Variants in ADRA1A observed in about 807,000 individuals in gnomAD.
The protein encoded by ADRA1A is adrenoceptor alpha 1A.
ADRA1A carries 31 observed loss-of-function variants against 29.6 expected under a neutral mutation model. The ratio of observed to expected loss-of-function variants is 1.05; its 90% CI spans 0.79 to 1.41. The LOEUF (loss-of-function observed/expected upper bound fraction) is 1.41, where lower values mean the gene tolerates loss of function less well. ADRA1A is among the 40% of genes most tolerant of loss of function. ADRA1A has a pLI of 0.00. For synonymous variants in ADRA1A, 311 were observed against 254.3 expected (o/e 1.22, Z -2.12); for missense variants, 619 against 601.1 (o/e 1.03, Z -0.31).
downstream of ADRA1A, chr8:26,766,145 C>T: frequency 6.2e-7 from 1 of 1,603,134 alleles, no homozygotes; most frequent in Non-Finnish European, 8.5e-7. Context: ...ACAATCCATT[C>T]CCCTCTGTCC....
At chr8:26,751,461 T>A (rs1169662991), downstream of ADRA1A, among the ~76,000 whole-genome samples, 3 of 152,192 alleles carry the variant, frequency 2.0e-5, no homozygotes, top group Non-Finnish European at 4.4e-5. Context: ...GAAAACTAGT[T>A]CATAGAATCA....
At chr8:26,783,905 TATC>T (rs1313779182) in intron 2 of ADRA1A, among the ~76,000 whole-genome samples, 1 of 152,144 alleles carries the variant, frequency 6.6e-6, no homozygotes, top group Non-Finnish European at 1.5e-5. Flanking sequence ...TGGAACCTGT[TATC>T]ATCAGCAAAC....
intron 2 of ADRA1A, among the ~76,000 whole-genome samples, chr8:26,777,270 G>A (rs1359303181): frequency 6.6e-6 from 1 of 152,176 alleles, no homozygotes; most frequent in African/African-American, 2.4e-5. Context: ...AGTAACCTTA[G>A]GCTTGCAACC....
At chr8:26,758,892 T>C (rs1241974361) in intron 2 of ADRA1A, among the ~76,000 whole-genome samples, 1 of 152,206 alleles carries the variant, frequency 6.6e-6, no homozygotes, top group Non-Finnish European at 1.5e-5. Flanking sequence ...ATTTATTCTC[T>C]GGGAAAATTT....
intron 2 of ADRA1A, among the ~76,000 whole-genome samples, chr8:26,750,507 TCTTC>T (rs1449344388): frequency 6.6e-6 from 1 of 152,176 alleles, no homozygotes; most frequent in Non-Finnish European, 1.5e-5. Flanking sequence ...CAGCTGGGTC[TCTTC>T]CTGTAAGGAC....
In ADRA1A at chr8:26,841,794, C is replaced by T. The variant is rs189398650; in HGVS notation, c.883+22293G>A. ...TCACAAATGACCTCAGATTACTAAA[C>T]GCTATTTTTTTTCTCCTTTTCTTTC... On this transcript the variant is annotated intron_variant, in intron 2 of 2. Transcript: ENST00000380573. This position sits in a 1 kb window ranked among gnomAD's most constrained non-coding sequence, Gnocchi z 4.4. Among the ~76,000 whole-genome samples the T allele has an allele frequency of 3.3e-5, 5 of 152,290 alleles. No homozygotes were observed. Among genetic ancestry groups the T allele is most frequent in the Admixed American group, 6.5e-5 (1 of 15,296 alleles).
chr8:26,799,882 T>A (rs1044179525), intron 2 of ADRA1A, among the ~76,000 whole-genome samples: 1 of 152,190 alleles, frequency 6.6e-6, no homozygotes, highest in Non-Finnish European at 1.5e-5. Context: ...TACATGGAAA[T>A]GCACGTAATC....
In ADRA1A at chr8:26,821,944, T is replaced by A. The variant is rs1457526267; in HGVS notation, c.883+42143A>T. On this transcript the variant is annotated intron_variant, in intron 2 of 2. Transcript: ENST00000380573. This position sits in a 1 kb window ranked among gnomAD's most constrained non-coding sequence, Gnocchi z 5.6. Reference sequence around the variant, plus strand: ...GCACATATCAATAGCTTGCTATTTTTTATTGCTAAGTAGGGGTGTATTACC... The same window carrying A: ...GCACATATCAATAGCTTGCTATTTTATATTGCTAAGTAGGGGTGTATTACC... Among the ~76,000 whole-genome samples, 1 of 152,246 alleles carries A rather than the reference T, an allele frequency of 6.6e-6. No individual in the cohort carries two copies. The highest frequency in any genetic ancestry group is 1.5e-5 in the Non-Finnish European group (1 of 68,038).
downstream of ADRA1A, among the ~76,000 whole-genome samples, chr8:26,751,630 CAG>C (rs1275771873): frequency 6.6e-6 from 1 of 152,160 alleles, no homozygotes; most frequent in Non-Finnish European, 1.5e-5. Context: ...ACACATATCT[CAG>C]AAAAGTTGAT....
Position 26,864,313 on chromosome 8 carries a change from C to T in ADRA1A, c.657G>A (p.Lys219=). ...CCGACTTGTCGGTCTTGAGGCCAGA[C>T]TTGAGGCCCCGGCTCTCCCTCTTGG... The part of the protein sequence containing the change: ...VVAKRESRGL[K]SGLKTDKSDS... The change falls in exon 2 of 3, where the codon AAG becomes AAA. Residue 219 remains lysine, a synonymous_variant. Coordinates refer to ENST00000380573, the MANE Select transcript of ADRA1A (RefSeq NM_000680.4). The surrounding 1 kb of genome is among the most constrained non-coding windows in gnomAD (Gnocchi z 8.1). 1.2e-6 allele frequency: 2 copies of T among 1,614,110 alleles called. No homozygotes were observed. The highest frequency in any genetic ancestry group is 2.2e-5 in the East Asian group (1 of 44,868).
At position 26,790,741 on chromosome 8, in the gene ADRA1A, T is replaced by C. The variant is rs185078218; in HGVS notation, c.884-20075A>G. Among the ~76,000 whole-genome samples, 540 of 152,268 alleles carry C rather than the reference T, an allele frequency of 3.5e-3. 3 individuals are homozygous for C. Among genetic ancestry groups the C allele is most frequent in the African/African-American group, 0.012 (513 of 41,556 alleles). ...ATAAATATAATATGTATGGTTATTT[T>C]GTGTCAATTAAAGAAATAAAATAAA... On this transcript the variant is annotated intron_variant, in intron 2 of 2. Coordinates refer to ENST00000380573, the MANE Select transcript of ADRA1A (RefSeq NM_000680.4).
intron 2 of ADRA1A, among the ~76,000 whole-genome samples, chr8:26,759,488 G>T (rs1805384376): frequency 6.6e-6 from 1 of 152,062 alleles, no homozygotes; most frequent in South Asian, 2.1e-4. Context: ...CTTCCTACTT[G>T]TCGGATTGAA....
rs1394900913 is a variant in ADRA1A at position 26,825,917 on chromosome 8, G to GT, written c.883+38169dup. Among the ~76,000 whole-genome samples, 1 of 152,202 alleles carries GT rather than the reference G, an allele frequency of 6.6e-6. No homozygotes were observed. The highest frequency in any genetic ancestry group is 2.4e-5 in the African/African-American group (1 of 41,454). On this transcript the variant is annotated intron_variant, in intron 2 of 2. Transcript: ENST00000380573. This position sits in a 1 kb window ranked among gnomAD's most constrained non-coding sequence, Gnocchi z 5.7. ...GCCCCATTCCTTGAATTCCTACAAT[G>GT]TCCCAAGTGCTGAGCTGGGCACTGG...
At position 26,866,417 on chromosome 8, in the gene ADRA1A, T is replaced by C. The variant is rs486179; in HGVS notation, c.-687+519A>G. On this transcript the variant is annotated intron_variant, in intron 1 of 2. Coordinates refer to ENST00000380573, the MANE Select transcript of ADRA1A (RefSeq NM_000680.4). This position sits in a 1 kb window ranked among gnomAD's most constrained non-coding sequence, Gnocchi z 5.7. ...CCCTCTGCAGAGGGAGCTTTGCAAG[T>C]GACAGTCACTGCGGATTTTGCAGGC... 0.88 allele frequency among the ~76,000 whole-genome samples: 133,629 copies of C among 152,182 alleles called. 59,572 individuals are homozygous for C. Among genetic ancestry groups the C allele is most frequent in the Non-Finnish European group, 0.95 (64,954 of 68,016 alleles).
In ADRA1A at chr8:26,825,916, T is replaced by C. The variant is rs1017077637; in HGVS notation, c.883+38171A>G. On this transcript the variant is annotated intron_variant, in intron 2 of 2. Coordinates refer to ENST00000380573, the MANE Select transcript of ADRA1A (RefSeq NM_000680.4). This position sits in a 1 kb window ranked among gnomAD's most constrained non-coding sequence, Gnocchi z 5.7. ...AGCCCCATTCCTTGAATTCCTACAA[T>C]GTCCCAAGTGCTGAGCTGGGCACTG... Among the ~76,000 whole-genome samples the C allele has an allele frequency of 3.9e-5, 6 of 152,208 alleles. No homozygotes were observed. Among genetic ancestry groups the C allele is most frequent in the African/African-American group, 1.2e-4 (5 of 41,452 alleles).
chr8:26,847,126 G>T (rs186629681), intron 2 of ADRA1A, among the ~76,000 whole-genome samples: 15 of 152,172 alleles, frequency 9.9e-5, no homozygotes, highest in African/African-American at 3.1e-4. Flanking sequence ...GCTAGATGAC[G>T]AGTTAGTGGG....
At chr8:26,765,296 G>A (rs1028195928), downstream of ADRA1A, among the ~76,000 whole-genome samples, 1 of 152,224 alleles carries the variant, frequency 6.6e-6, no homozygotes, top group South Asian at 2.1e-4. Flanking sequence ...TCTGGGGAGC[G>A]TGAATGAGCT....
In ADRA1A at chr8:26,806,763, C is replaced by T. The variant is rs577254672; in HGVS notation, c.884-36097G>A. Among the ~76,000 whole-genome samples the T allele has an allele frequency of 7.2e-5, 11 of 152,250 alleles. No homozygotes were observed. The highest frequency in any genetic ancestry group is 2.4e-4 in the African/African-American group (10 of 41,550). The stretch of plus-strand genomic sequence containing the variant: ...CTGGAAGGAGGAAATAGGAAGAGCA[C>T]GTGCAGTGGCTGCTGCTAGAAGTGG... On this transcript the variant is annotated intron_variant, in intron 2 of 2. Coordinates refer to ENST00000380573, the MANE Select transcript of ADRA1A (RefSeq NM_000680.4). The surrounding 1 kb of genome is among the most constrained non-coding windows in gnomAD (Gnocchi z 4.6).
chr8:26,808,914 G>T (rs1809187036), intron 2 of ADRA1A, among the ~76,000 whole-genome samples: 1 of 152,156 alleles, frequency 6.6e-6, no homozygotes, highest in South Asian at 2.1e-4. Context: ...CTCACAACTT[G>T]GGTGGGATCA....
Sources: gnomAD v4.1 joint callset for allele counts (sites outside exome capture counted in the v4.1 genomes callset) on GRCh38, gnomAD v4.1.1 for gene constraint, Gnocchi (gnomAD v3.1) non-coding constraint, MANE v1.5 for transcripts, NCBI Gene and HGNC (gene_info 2026-07-23, HGNC 2026-07-21) for gene names.